Variants in NPL observed in about 807,000 individuals in gnomAD.
The protein encoded by NPL is N-acetylneuraminate lyase.
Under a neutral mutation model 41.1 loss-of-function variants are expected in NPL, and 32 were observed. The observed-to-expected ratio is 0.78, with a 90% confidence interval of 0.59 to 1.05. The LOEUF is 1.05. NPL is among the 50% of genes least tolerant of loss of function. NPL has a pLI of 0.00. For missense variants in NPL, 321 were observed against 378.4 expected (o/e 0.85, Z 1.26); for synonymous variants, 128 against 134.9 (o/e 0.95, Z 0.35).
chr1:182,798,892 G>A (rs991791391), intron 3 of NPL, among the ~76,000 whole-genome samples: 4 of 152,202 alleles, frequency 2.6e-5, no homozygotes, highest in Non-Finnish European at 2.9e-5. Context: ...ATAACCAGTG[G>A]CTGTTTTGCC....
At chr1:182,806,053 GT>G in intron 4 of NPL, 91 bp from the exon 5 acceptor site, 1 of 1,451,880 alleles carries the variant, frequency 6.9e-7, no homozygotes, top group Admixed American at 1.8e-5. Context: ...ACCATCCTCA[GT>G]GCAGTGGTTT....
At chr1:182,824,307 C>T (rs1667570607) in intron 11 of NPL, among the ~76,000 whole-genome samples, 1 of 152,034 alleles carries the variant, frequency 6.6e-6, no homozygotes, top group African/African-American at 2.4e-5. Flanking sequence ...AAAAAAGCAG[C>T]AAAATATAAG....
Position 182,829,472 on chromosome 1 carries a change from G to T in NPL, c.*564G>T, listed in dbSNP as rs558258840. ...ATTCATTTCGATGTCACCACTTTTC[G>T]CTCTTTAAAAACACTGGGTCAGGTG... On this transcript the variant is annotated 3_prime_UTR_variant, in exon 13 of 13. Coordinates refer to ENST00000367553, the MANE Select transcript of NPL (RefSeq NM_030769.3). 2.1e-6 allele frequency: 3 copies of T among 1,452,106 alleles called. No individual in the cohort carries two copies. Among genetic ancestry groups the T allele is most frequent in the Non-Finnish European group, 2.7e-6 (3 of 1,102,326 alleles). The allele number at this position is 1,452,106 out of a possible 1,614,324, so 90.0% of individuals were successfully genotyped here. A position where few individuals can be genotyped will look rare whatever the true frequency, so the allele number is the denominator to read the frequency against.
chr1:182,803,533 G>A (rs1363748589), intron 3 of NPL, among the ~76,000 whole-genome samples, 165 bp from the exon 4 acceptor site: 1 of 149,652 alleles, frequency 6.7e-6, no homozygotes, highest in Non-Finnish European at 1.5e-5. Flanking sequence ...CAGATTCAGG[G>A]GGGGAAAAAA....
intron 6 of NPL, among the ~76,000 whole-genome samples, chr1:182,812,754 C>T (rs546346163): frequency 4.7e-4 from 72 of 151,932 alleles, no homozygotes; most frequent in African/African-American, 1.6e-3. Flanking sequence ...AATATAGGAA[C>T]AAGAACAGAG....
intron 5 of NPL, 158 bp downstream of exon 5, chr1:182,806,390 G>T (rs758890080): frequency 7.1e-6 from 11 of 1,544,106 alleles, no homozygotes; most frequent in Non-Finnish European, 8.7e-6. Flanking sequence ...CTGGCTTCTT[G>T]GAGAAGAGCC....
At chr1:182,805,633 A>G (rs1418461602) in intron 4 of NPL, among the ~76,000 whole-genome samples, 1 of 152,230 alleles carries the variant, frequency 6.6e-6, no homozygotes, top group African/African-American at 2.4e-5. Flanking sequence ...ACTTGGTATA[A>G]GAAATATTAA....
intron 8 of NPL, among the ~76,000 whole-genome samples, chr1:182,817,414 C>T (rs1329268449): frequency 1.3e-5 from 2 of 152,204 alleles, no homozygotes; most frequent in African/African-American, 2.4e-5. Context: ...AAACTCAACG[C>T]AAAACATTTT....
At position 182,828,827 on chromosome 1, in the gene NPL, T is replaced by C; in HGVS notation, c.882T>C (p.Asp294=). 3 of 1,614,214 alleles carry C rather than the reference T, an allele frequency of 1.9e-6. No individual in the cohort carries two copies. Among genetic ancestry groups the C allele is most frequent in the Non-Finnish European group, 2.5e-6 (3 of 1,180,036 alleles). Residue 294 remains aspartate (D), a synonymous_variant, in exon 13 of 13, where the codon GAT becomes GAC. Coordinates refer to ENST00000367553, the MANE Select transcript of NPL (RefSeq NM_030769.3). This position sits in a 1 kb window ranked among gnomAD's most constrained non-coding sequence, Gnocchi z 4.0. ...PLQKASREFT[D]SAEAKLKSLD... ...AGAAAGCCTCCAGGGAGTTTACTGA[T>C]AGTGCTGAAGCTAAACTGAAGAGCC...
chr1:182,790,028 G>A (rs1009887918), intron 1 of NPL, among the ~76,000 whole-genome samples: 1 of 152,126 alleles, frequency 6.6e-6, no homozygotes, highest in Non-Finnish European at 1.5e-5. Flanking sequence ...TTACTCCCCC[G>A]GATTGTTTGC....
intron 1 of NPL, among the ~76,000 whole-genome samples, chr1:182,791,746 A>C (rs1364763473): frequency 6.6e-6 from 1 of 152,212 alleles, no homozygotes; most frequent in Non-Finnish European, 1.5e-5. Context: ...AAATAAATGC[A>C]GGCAAAAGCA....
At chr1:182,808,203 G>T (rs1003598072) in intron 5 of NPL, among the ~76,000 whole-genome samples, 1 of 152,134 alleles carries the variant, frequency 6.6e-6, no homozygotes, top group Non-Finnish European at 1.5e-5. Flanking sequence ...AAAGTGCCTG[G>T]CAGGCACAGT....
chr1:182,794,720 C>A (rs1319694843), intron 3 of NPL, among the ~76,000 whole-genome samples: 1 of 152,206 alleles, frequency 6.6e-6, no homozygotes, highest in Non-Finnish European at 1.5e-5. Context: ...CACCACAGAG[C>A]AAATTCTCCT....
At chr1:182,822,030 C>T (rs1667500455) in intron 10 of NPL, 85 bp from the exon 11 acceptor site, 1 of 896,428 alleles carries the variant, frequency 1.1e-6, no homozygotes, top group Admixed American at 1.8e-5. Context: ...TGTATTTTTT[C>T]CCTTTTAAAC....
At chr1:182,796,482 C>G (rs1238971088) in intron 3 of NPL, among the ~76,000 whole-genome samples, 1 of 152,198 alleles carries the variant, frequency 6.6e-6, no homozygotes, top group Non-Finnish European at 1.5e-5. Flanking sequence ...GGGAGTTCTC[C>G]TAACCTGGCA....
intron 3 of NPL, among the ~76,000 whole-genome samples, chr1:182,803,186 C>T (rs1197539384): frequency 1.3e-5 from 2 of 152,068 alleles, no homozygotes; most frequent in Non-Finnish European, 2.9e-5. Context: ...TGGCCTCCAG[C>T]GATGAAAATA....
At chr1:182,795,326 A>T (rs1219416907) in intron 3 of NPL, among the ~76,000 whole-genome samples, 1 of 152,266 alleles carries the variant, frequency 6.6e-6, no homozygotes, top group African/African-American at 2.4e-5. Flanking sequence ...TAAGCATTAA[A>T]TGAGATAATT....
At chr1:182,802,847 A>G (rs1367646915) in intron 3 of NPL, among the ~76,000 whole-genome samples, 5 of 152,226 alleles carry the variant, frequency 3.3e-5, no homozygotes, top group African/African-American at 1.2e-4. Flanking sequence ...AAGTGCATGC[A>G]GATCACACGG....
intron 7 of NPL, 43 bp from the exon 8 acceptor site, chr1:182,816,671 T>G (rs1467419768): frequency 8.6e-6 from 12 of 1,401,368 alleles, no homozygotes; most frequent in Non-Finnish European, 1.1e-5. Context: ...AAGCCACTGT[T>G]TTACACCTGT....
Sources: allele counts gnomAD v4.1 joint callset (sites outside exome capture counted in the v4.1 genomes callset), GRCh38; gene constraint gnomAD v4.1.1; non-coding constraint Gnocchi (gnomAD v3.1); transcripts MANE v1.5; gene names NCBI Gene and HGNC (gene_info 2026-07-23, HGNC 2026-07-21).